RERE: variants seen among roughly 807,000 people sequenced by gnomAD.
The protein encoded by RERE is arginine-glutamic acid dipeptide repeats.
A neutral mutation model predicts 146.1 loss-of-function variants in RERE; 40 were observed. The ratio of observed to expected loss-of-function variants is 0.27; its 90% CI spans 0.21 to 0.36. RERE has a LOEUF of 0.36. Ranked by LOEUF, RERE falls within the 10% of genes least tolerant of loss-of-function variation. The pLI is 1.00. For synonymous variants in RERE, 1,003 were observed against 866.0 expected (o/e 1.16, Z -2.78); for missense variants, 1,933 against 2,138.7 (o/e 0.90, Z 1.90).
chr1:8,397,242 A>C (rs983595146), intron 12 of RERE, among the ~76,000 whole-genome samples: 2 of 151,636 alleles, frequency 1.3e-5, no homozygotes, highest in African/African-American at 4.9e-5. Flanking sequence ...TGTGATGGCA[A>C]CACCACCACT....
intron 6 of RERE, among the ~76,000 whole-genome samples, chr1:8,550,749 T>A (rs1031804888): frequency 6.6e-6 from 1 of 152,214 alleles, no homozygotes; most frequent in Admixed American, 6.5e-5. Flanking sequence ...GGTTTTGCCA[T>A]GTTGGCCAGG....
chr1:8,737,139 C>T (rs1640217365), intron 1 of RERE, among the ~76,000 whole-genome samples: 1 of 152,186 alleles, frequency 6.6e-6, no homozygotes, highest in Non-Finnish European at 1.5e-5. Context: ...CTAATGAATG[C>T]TTGCTGGACT....
At chr1:8,682,432 T>C (rs1638992050) in intron 1 of RERE, among the ~76,000 whole-genome samples, 1 of 152,232 alleles carries the variant, frequency 6.6e-6, no homozygotes, top group Non-Finnish European at 1.5e-5. Flanking sequence ...TGGCTTGTTT[T>C]ATTGTTTAAA....
chr1:8,700,102 C>T (rs1400408518), intron 1 of RERE, among the ~76,000 whole-genome samples: 1 of 152,048 alleles, frequency 6.6e-6, no homozygotes, highest in African/African-American at 2.4e-5. Context: ...GTCAGGAGTT[C>T]GAGACCAACC....
intron 2 of RERE, among the ~76,000 whole-genome samples, chr1:8,654,088 G>A (rs114238955): frequency 0.015 from 2,266 of 151,688 alleles, 59 homozygotes; most frequent in African/African-American, 0.052. Context: ...TGCACAGGCT[G>A]CAGTGCTATG....
At chr1:8,477,217 G>C (rs377271446) in intron 10 of RERE, among the ~76,000 whole-genome samples, 2 of 152,268 alleles carry the variant, frequency 1.3e-5, no homozygotes, top group African/African-American at 4.8e-5. Flanking sequence ...AGAAAGGGAG[G>C]GTGCGGAGGG....
At chr1:8,401,038 CATATATATATATATATATATAT>C (rs59752248) in intron 12 of RERE, among the ~76,000 whole-genome samples, 2,455 of 57,516 alleles carry the variant, frequency 0.043, 210 homozygotes, top group African/African-American at 0.13. Flanking sequence ...AAAAAAAAAC[CATATATATATATATATATATAT>C]ATATATATAT....
intron 1 of RERE, among the ~76,000 whole-genome samples, chr1:8,782,229 G>C (rs1641178828): frequency 6.6e-6 from 1 of 151,980 alleles, no homozygotes. Flanking sequence ...ATTTTTAGCA[G>C]ATTTTTGACA....
At chr1:8,511,332 G>A (rs895980036) in intron 7 of RERE, among the ~76,000 whole-genome samples, 4 of 152,226 alleles carry the variant, frequency 2.6e-5, no homozygotes, top group Non-Finnish European at 1.5e-5. Flanking sequence ...TGAAAACCAA[G>A]ATAAAATAAG....
chr1:8,530,699 T>C (rs963556543), intron 7 of RERE, among the ~76,000 whole-genome samples: 22 of 145,612 alleles, frequency 1.5e-4, no homozygotes, highest in Non-Finnish European at 2.7e-4. Flanking sequence ...TTTTTTTTTT[T>C]TTTGAGACGG....
At position 8,355,514 on chromosome 1, in the gene RERE, C is replaced by T. The variant is rs761616813; in HGVS notation, c.4572G>A (p.Ser1524=). 26 of 1,611,410 alleles carry T rather than the reference C, an allele frequency of 1.6e-5. No individual in the cohort carries two copies. Among genetic ancestry groups the T allele is most frequent in the Admixed American group, 3.3e-5 (2 of 59,924 alleles). The change falls in exon 22 of 23, where the codon TCG becomes TCA. Residue 1524 remains serine, a synonymous_variant. Coordinates refer to ENST00000400908, the MANE Select transcript of RERE (RefSeq NM_001042681.2). ...CCATGGCCAGTCTCTGCAGCTCGGC[C>T]GACTGGGCATGCATGGCCTGCAGCT... ...AHQLQAMHAQ[S]AELQRLAMEQ...
intron 4 of RERE, among the ~76,000 whole-genome samples, chr1:8,604,594 AAGGAAGGGAGGGAGGG>A (rs1488046018): frequency 2.2e-4 from 18 of 80,756 alleles, no homozygotes; most frequent in Admixed American, 3.6e-4. Flanking sequence ...GGAAGGAAGG[AAGGAAGGGAGGGAGGG>A]AGGGAGGGAG....
intron 2 of RERE, among the ~76,000 whole-genome samples, chr1:8,629,425 T>C (rs1230545918): frequency 6.6e-6 from 1 of 152,170 alleles, no homozygotes; most frequent in East Asian, 1.9e-4. Flanking sequence ...GTGCCATCTG[T>C]AAACAACAGA....
chr1:8,689,966 G>T (rs1639174937), intron 1 of RERE, among the ~76,000 whole-genome samples: 1 of 152,148 alleles, frequency 6.6e-6, no homozygotes. Flanking sequence ...CTGTTCAGTA[G>T]GTCTAAAGTC....
intron 11 of RERE, among the ~76,000 whole-genome samples, chr1:8,458,967 G>A (rs2124100972): frequency 6.6e-6 from 1 of 152,306 alleles, no homozygotes; most frequent in Middle Eastern, 3.4e-3. Flanking sequence ...TCTCTTTAGA[G>A]CTTGTTAAAC....
chr1:8,505,693 C>T (rs771581528), intron 8 of RERE, among the ~76,000 whole-genome samples: 13 of 152,174 alleles, frequency 8.5e-5, no homozygotes, highest in Non-Finnish European at 1.9e-4. Flanking sequence ...ACCATGCCTA[C>T]CTAATTTTTG....
chr1:8,658,690 G>A (rs1435952032), intron 1 of RERE, among the ~76,000 whole-genome samples: 1 of 151,794 alleles, frequency 6.6e-6, no homozygotes, highest in African/African-American at 2.4e-5. Flanking sequence ...CCAGGTGGCA[G>A]AGGTTGCAGT....
At chr1:8,380,110 C>G (rs1489799434) in intron 12 of RERE, among the ~76,000 whole-genome samples, 1 of 152,178 alleles carries the variant, frequency 6.6e-6, no homozygotes, top group Non-Finnish European at 1.5e-5. Flanking sequence ...CATACCATAA[C>G]CCCATCCCTC....
intron 2 of RERE, among the ~76,000 whole-genome samples, chr1:8,628,026 A>C (rs1357859406): frequency 6.6e-6 from 1 of 152,188 alleles, no homozygotes; most frequent in African/African-American, 2.4e-5. Flanking sequence ...CCTCAACCGG[A>C]CATACGGAAT....
Sources: allele counts gnomAD v4.1 joint callset (sites outside exome capture counted in the v4.1 genomes callset), GRCh38; gene constraint gnomAD v4.1.1; transcripts MANE v1.5; gene names NCBI Gene and HGNC (gene_info 2026-07-23, HGNC 2026-07-21).